The following DCDC2 variants were observed in gnomAD, a reference collection of about 807,000 sequenced individuals.
DCDC2 encodes doublecortin domain containing 2.
In DCDC2, 40 loss-of-function variants were observed where a neutral mutation model predicts 50.2. That is an observed-to-expected ratio of 0.80 (90% CI 0.62 to 1.04). DCDC2 has a LOEUF of 1.04. Among genes scored for constraint, DCDC2 ranks in the 50% least tolerant of loss-of-function variants. The probability of loss-of-function intolerance (pLI) is 0.00; values close to 1 mark genes in which losing one functional copy is unlikely to be tolerated. For missense variants in DCDC2, 570 were observed against 581.9 expected, an observed-to-expected ratio of 0.98 and a Z score of 0.21; for synonymous variants, 234 against 210.6, an observed-to-expected ratio of 1.11 and a Z score of -0.96.
chr6:24,327,103 T>C (rs1465725793), intron 2 of DCDC2, among the ~76,000 whole-genome samples: 1 of 149,120 alleles, frequency 6.7e-6, no homozygotes, highest in Non-Finnish European at 1.5e-5. Context: ...AACTGCACTG[T>C]CAAAACTTAC....
rs199736766 is a variant in DCDC2, at chr6:24,329,366, GA to G, written c.348+24202del. On this transcript the variant is annotated intron_variant, in intron 2 of 9. Coordinates refer to ENST00000378454, the MANE Select transcript of DCDC2 (RefSeq NM_016356.5). ...CTGAGTATGTAAGTATCAATATTAA[GA>G]AGAAAAACAAGCTGAATTAAATCTC... Among the ~76,000 whole-genome samples the G allele has an allele frequency of 3.1e-3, 477 of 152,248 alleles. 10 individuals carry two copies. Among genetic ancestry groups the G allele is most frequent in the Admixed American group, 0.027 (406 of 15,292 alleles).
intron 2 of DCDC2, among the ~76,000 whole-genome samples, chr6:24,344,897 T>C (rs1260654592): frequency 6.6e-6 from 1 of 152,214 alleles, no homozygotes; most frequent in African/African-American, 2.4e-5. Flanking sequence ...AAGTAGCAGT[T>C]ATATCAGAGT....
At chr6:24,187,608 G>A (rs1215934058) in intron 8 of DCDC2, among the ~76,000 whole-genome samples, 1 of 152,208 alleles carries the variant, frequency 6.6e-6, no homozygotes, top group Non-Finnish European at 1.5e-5. Context: ...GGAAATATCA[G>A]CCCTGGCACT....
chr6:24,269,965 C>G (rs150782536), intron 7 of DCDC2, among the ~76,000 whole-genome samples: 1 of 151,802 alleles, frequency 6.6e-6, no homozygotes, highest in Non-Finnish European at 1.5e-5. Flanking sequence ...AATCAATCAT[C>G]CCCATTTAAA....
chr6:24,290,951 T>C lies in DCDC2; in HGVS notation c.685A>G (p.Thr229Ala), dbSNP rs1043649931. The change falls in exon 5 of 10, where the codon ACG becomes GCG. Residue 229 changes from threonine to alanine, a missense_variant. Physicochemically the swap from Thr to Ala is moderately conservative, Grantham distance 58. Coordinates refer to ENST00000378454, the MANE Select transcript of DCDC2 (RefSeq NM_016356.5). ...PYSELLFDKS[T>A]MRRPFGQKAS... ...ACTTACCCAAAAGGCCTTCTCATCG[T>C]TGACTTGTCAAAAAGTAACTCACTG... The C allele has an allele frequency of 6.2e-6, 10 of 1,613,660 alleles. No individual in the cohort carries two copies. The African/African-American group carries it at 1.3e-4, about 22-fold the overall frequency.
rs186594932 is a variant in DCDC2 at position 24,283,515 on chromosome 6, T to C, written c.760-5304A>G. ...AAAGAGCAATTCCTAGAAAGCCATG[T>C]AGGGAAAAATAAATTTCTAAAACTC... On this transcript the variant is annotated intron_variant, in intron 6 of 9. Transcript: ENST00000378454. 5.9e-5 allele frequency among the ~76,000 whole-genome samples: 9 copies of C among 152,046 alleles called. No individual in the cohort carries two copies. The East Asian group carries it at 1.5e-3, about 26-fold the overall frequency.
intron 6 of DCDC2, among the ~76,000 whole-genome samples, chr6:24,282,962 GAAT>G (rs534400165): frequency 2.8e-4 from 42 of 152,110 alleles, no homozygotes; most frequent in African/African-American, 9.9e-4. Context: ...TGTGATACTT[GAAT>G]AATAACGAAA....
intron 7 of DCDC2, among the ~76,000 whole-genome samples, chr6:24,241,900 C>T (rs1322616112): frequency 6.6e-6 from 1 of 152,144 alleles, no homozygotes; most frequent in Non-Finnish European, 1.5e-5. Flanking sequence ...GGCCAGGTGT[C>T]GTGGCTCATG....
At chr6:24,227,278 A>C (rs1762251383) in intron 7 of DCDC2, among the ~76,000 whole-genome samples, 1 of 152,194 alleles carries the variant, frequency 6.6e-6, no homozygotes, top group Non-Finnish European at 1.5e-5. Context: ...TGAAAGGTTA[A>C]GATCAGAGAG....
At chr6:24,309,947 T>C (rs1158984189) in intron 2 of DCDC2, among the ~76,000 whole-genome samples, 1 of 152,162 alleles carries the variant, frequency 6.6e-6, no homozygotes, top group East Asian at 1.9e-4. Context: ...TTGGGCAACA[T>C]AGTGAGACCC....
intron 7 of DCDC2, among the ~76,000 whole-genome samples, chr6:24,252,526 T>C (rs536395161): frequency 6.6e-6 from 1 of 152,188 alleles, no homozygotes; most frequent in South Asian, 2.1e-4. Context: ...CCAAATGAAA[T>C]CATGTGAAAA....
chr6:24,229,508 G>A (rs1214406272), intron 7 of DCDC2, among the ~76,000 whole-genome samples: 2 of 152,086 alleles, frequency 1.3e-5, no homozygotes, highest in East Asian at 3.9e-4. Flanking sequence ...CACAGATCCT[G>A]GTTTGAGTGA....
chr6:24,381,672 C>T, the DCDC2 span, among the ~76,000 whole-genome samples: 2 of 151,978 alleles, frequency 1.3e-5, no homozygotes, highest in Admixed American at 1.3e-4. Flanking sequence ...AAGCGGGGTG[C>T]CATGGCTCAT....
intron 2 of DCDC2, among the ~76,000 whole-genome samples, chr6:24,317,814 T>A (rs1469963897): frequency 6.6e-6 from 1 of 151,526 alleles, no homozygotes; most frequent in African/African-American, 2.4e-5. Flanking sequence ...AAACTCTTTA[T>A]ACTCTGATAG....
chr6:24,205,714 A>T (rs530770848), intron 7 of DCDC2, among the ~76,000 whole-genome samples: 2 of 152,310 alleles, frequency 1.3e-5, no homozygotes, highest in Admixed American at 6.5e-5. Flanking sequence ...TCAATCTCTG[A>T]CTTTAGGTTA....
At chr6:24,212,437 C>A (rs933236285) in intron 7 of DCDC2, among the ~76,000 whole-genome samples, 3 of 152,162 alleles carry the variant, frequency 2.0e-5, no homozygotes, top group Non-Finnish European at 2.9e-5. Flanking sequence ...CTTTCCCTAA[C>A]TGTAAATACT....
intron 7 of DCDC2, among the ~76,000 whole-genome samples, chr6:24,251,201 T>A (rs1051286324): frequency 2.0e-5 from 3 of 152,186 alleles, no homozygotes; most frequent in African/African-American, 7.2e-5. Context: ...TCCTAGCAAA[T>A]CGCCTTGGTT....
At chr6:24,198,888 A>T (rs1405291552) in intron 8 of DCDC2, among the ~76,000 whole-genome samples, 1 of 152,194 alleles carries the variant, frequency 6.6e-6, no homozygotes, top group Non-Finnish European at 1.5e-5. Context: ...AAACGAAGCC[A>T]CGGGGAGCTT....
intron 8 of DCDC2, among the ~76,000 whole-genome samples, chr6:24,182,734 C>T (rs1761106688): frequency 6.6e-6 from 1 of 150,424 alleles, no homozygotes; most frequent in African/African-American, 2.4e-5. Context: ...ACCTGAAAAA[C>T]AGTATGGTCA....
Sources: allele counts gnomAD v4.1 joint callset (sites outside exome capture counted in the v4.1 genomes callset), GRCh38; gene constraint gnomAD v4.1.1; transcripts MANE v1.5; gene names NCBI Gene and HGNC (gene_info 2026-07-23, HGNC 2026-07-21).